PRKN: variants seen among roughly 807,000 people sequenced by gnomAD.
PRKN encodes parkin RBR E3 ubiquitin protein ligase, also known as E3 ubiquitin-protein ligase parkin.
In PRKN, 56 loss-of-function variants were observed where a neutral mutation model predicts 59.5. That is an observed-to-expected ratio of 0.94 (90% CI 0.76 to 1.18). The LOEUF is 1.18. Ranked by LOEUF, PRKN falls within the 50% of genes most tolerant of loss-of-function variation. PRKN has a pLI of 0.00. For missense variants in PRKN, 657 were observed against 596.4 expected, an observed-to-expected ratio of 1.10 and a Z score of -1.06; for synonymous variants, 250 against 222.1, an observed-to-expected ratio of 1.13 and a Z score of -1.12.
chr6:162,603,000 C>T (rs915616076), intron 1 of PRKN, among the ~76,000 whole-genome samples: 1 of 152,086 alleles, frequency 6.6e-6, no homozygotes, highest in Admixed American at 6.6e-5. Flanking sequence ...CAGGGTTGGT[C>T]CAACTCCCAA....
intron 1 of PRKN, among the ~76,000 whole-genome samples, chr6:162,584,266 A>T (rs1232907484): frequency 1.3e-5 from 2 of 151,792 alleles, no homozygotes; most frequent in African/African-American, 4.8e-5. Flanking sequence ...AAAAACACTG[A>T]CTATATTTAC....
intron 9 of PRKN, among the ~76,000 whole-genome samples, chr6:161,421,336 G>C (rs1788098099): frequency 6.6e-6 from 1 of 152,310 alleles, no homozygotes; most frequent in East Asian, 1.9e-4. Flanking sequence ...CAATTAATGA[G>C]TAGATATAGA....
chr6:161,632,561 T>G (rs1169289367), intron 7 of PRKN, among the ~76,000 whole-genome samples: 2 of 152,244 alleles, frequency 1.3e-5, no homozygotes, highest in East Asian at 1.9e-4. Flanking sequence ...TAAATCCAGT[T>G]GTCTGAAAAA....
chr6:162,503,911 T>G (rs1220570557), intron 1 of PRKN, among the ~76,000 whole-genome samples: 1 of 152,188 alleles, frequency 6.6e-6, no homozygotes, highest in Non-Finnish European at 1.5e-5. Context: ...TTCAATGCCG[T>G]GCAAAAGAAA....
intron 4 of PRKN, among the ~76,000 whole-genome samples, chr6:162,120,027 T>C (rs535695527): frequency 5.7e-4 from 87 of 152,184 alleles, no homozygotes; most frequent in Non-Finnish European, 1.1e-3. Flanking sequence ...GTTGTTCTTG[T>C]TGTTATTTCA....
intron 4 of PRKN, among the ~76,000 whole-genome samples, chr6:162,110,248 A>G (rs1053307602): frequency 6.6e-6 from 1 of 152,186 alleles, no homozygotes; most frequent in South Asian, 2.1e-4. Flanking sequence ...ATATGAATGA[A>G]CTCATTAATG....
intron 7 of PRKN, among the ~76,000 whole-genome samples, chr6:161,712,231 A>G (rs1786779130): frequency 6.6e-6 from 1 of 152,178 alleles, no homozygotes; most frequent in Non-Finnish European, 1.5e-5. Flanking sequence ...ATTTCACATA[A>G]CAAGCAGTAA....
intron 2 of PRKN, among the ~76,000 whole-genome samples, chr6:162,387,849 G>C (rs565019496): frequency 8.5e-5 from 13 of 152,226 alleles, no homozygotes; most frequent in Non-Finnish European, 1.9e-4. Context: ...GACAAGCAAT[G>C]AAACAAGGTG....
Position 161,581,067 on chromosome 6 carries a change from C to T in PRKN, c.872-11651G>A, listed in dbSNP as rs1457664359. 6.6e-6 allele frequency among the ~76,000 whole-genome samples: 1 copy of T among 151,652 alleles called. No individual in the cohort carries two copies. Among genetic ancestry groups the T allele is most frequent in the East Asian group, 1.9e-4 (1 of 5,130 alleles). The stretch of plus-strand genomic sequence containing the variant: ...ACACACACACACACACACACACACA[C>T]ACACACACAAAATAGCCAGGCGTGG... On this transcript the variant is annotated intron_variant, in intron 7 of 11. Transcript: ENST00000366898. This position sits in a 1 kb window ranked among gnomAD's most constrained non-coding sequence, Gnocchi z 4.5.
chr6:162,416,836 T>C (rs6938401), intron 2 of PRKN, among the ~76,000 whole-genome samples: 83,408 of 151,924 alleles, frequency 0.55, 23,845 homozygotes, highest in African/African-American at 0.71. Flanking sequence ...CCTTAAATTC[T>C]GTACACAGAA....
intron 5 of PRKN, among the ~76,000 whole-genome samples, chr6:162,020,332 C>CAAAAAAA (rs771141235): frequency 2.9e-4 from 13 of 45,510 alleles, no homozygotes; most frequent in Admixed American, 4.2e-4. Flanking sequence ...ACCAATGAAT[C>CAAAAAAA]AAAAAAAAAA....
chr6:161,365,575 G>A (rs548519289), intron 10 of PRKN, among the ~76,000 whole-genome samples: 1 of 152,308 alleles, frequency 6.6e-6, no homozygotes, highest in Non-Finnish European at 1.5e-5. Context: ...ATATTAATAT[G>A]CTTTGTTCTG....
chr6:162,367,474 T>G (rs1282459383), intron 2 of PRKN, among the ~76,000 whole-genome samples: 1 of 152,184 alleles, frequency 6.6e-6, no homozygotes, highest in African/African-American at 2.4e-5. Context: ...TGGTTCCTAT[T>G]GTTCTACAAG....
intron 7 of PRKN, among the ~76,000 whole-genome samples, chr6:161,624,244 C>T (rs775479608): frequency 7.9e-5 from 12 of 152,114 alleles, no homozygotes; most frequent in Admixed American, 5.9e-4. Context: ...TCATTAGTGG[C>T]GCCAAAAGCT....
intron 1 of PRKN, among the ~76,000 whole-genome samples, chr6:162,508,048 A>C (rs956166843): frequency 1.3e-5 from 2 of 152,202 alleles, no homozygotes; most frequent in African/African-American, 4.8e-5. Context: ...GCAATTTACA[A>C]AAGAAAGTGG....
chr6:162,498,388 C>CCT (rs1562332490), intron 1 of PRKN, among the ~76,000 whole-genome samples: 7 of 33,142 alleles, frequency 2.1e-4, no homozygotes, highest in Non-Finnish European at 3.7e-4. Flanking sequence ...TTTTTTCTTT[C>CCT]TTTCCTTTTT....
intron 1 of PRKN, among the ~76,000 whole-genome samples, chr6:162,445,691 A>T (rs2081870308): frequency 4.0e-5 from 1 of 24,940 alleles, no homozygotes; most frequent in Non-Finnish European, 6.3e-5. Context: ...ACCTTGTCTA[A>T]AAAAAAAAAA....
chr6:162,667,652 A>G (rs980143050), intron 1 of PRKN, among the ~76,000 whole-genome samples: 1 of 152,136 alleles, frequency 6.6e-6, no homozygotes, highest in African/African-American at 2.4e-5. Flanking sequence ...AGATCTTTTG[A>G]GTTCCCTCTT....
At chr6:161,642,446 T>C (rs1159443856) in intron 7 of PRKN, among the ~76,000 whole-genome samples, 3 of 152,194 alleles carry the variant, frequency 2.0e-5, no homozygotes, top group South Asian at 2.1e-4. Flanking sequence ...TCTAGAATTA[T>C]TGTGATATTT....
Sources: gnomAD v4.1 joint callset for allele counts (sites outside exome capture counted in the v4.1 genomes callset) on GRCh38, gnomAD v4.1.1 for gene constraint, Gnocchi (gnomAD v3.1) non-coding constraint, MANE v1.5 for transcripts, NCBI Gene and HGNC (gene_info 2026-07-23, HGNC 2026-07-21) for gene names.